ANTXR2: variants seen among roughly 807,000 people sequenced by gnomAD.
The protein encoded by ANTXR2 is ANTXR cell adhesion molecule 2, also known as anthrax toxin receptor 2.
In ANTXR2, 44 loss-of-function variants were observed where a neutral mutation model predicts 73.7. The observed-to-expected ratio is 0.60, with a 90% CI of 0.47 to 0.77. The LOEUF (loss-of-function observed/expected upper bound fraction) is 0.77, where lower values mean the gene tolerates loss of function less well. Ranked by LOEUF, ANTXR2 falls within the 30% of genes least tolerant of loss-of-function variation. ANTXR2 has a pLI of 0.00. For missense variants in ANTXR2, 604 were observed against 592.5 expected (o/e 1.02, Z -0.20); for synonymous variants, 217 against 205.9 (o/e 1.05, Z -0.46).
chr4:79,910,507 C>CAAAAAAAAAAAAAAAAAAA (rs144527286), intron 16 of ANTXR2, among the ~76,000 whole-genome samples: 1 of 95,642 alleles, frequency 1.0e-5, no homozygotes, highest in East Asian at 3.2e-4. Context: ...GACTCCGTCT[C>CAAAAAAAAAAAAAAAAAAA]AAAAAAAAAA....
At chr4:79,932,836 T>C (rs557154694) in intron 16 of ANTXR2, among the ~76,000 whole-genome samples, 83 of 146,830 alleles carry the variant, frequency 5.7e-4, no homozygotes, top group African/African-American at 2.0e-3. Flanking sequence ...TGTGATTCAG[T>C]CTACAGAGAA....
At chr4:80,061,713 T>C (rs1248014321) in intron 3 of ANTXR2, among the ~76,000 whole-genome samples, 1 of 152,180 alleles carries the variant, frequency 6.6e-6, no homozygotes, top group Non-Finnish European at 1.5e-5. Context: ...ACCTGAGCTA[T>C]TGCATATGAA....
chr4:79,961,962 G>A (rs1578114359), intron 16 of ANTXR2, among the ~76,000 whole-genome samples: 1 of 151,954 alleles, frequency 6.6e-6, no homozygotes, highest in African/African-American at 2.4e-5. Context: ...ATGCCTATAT[G>A]GGGAGGGGAG....
In ANTXR2 at chr4:80,055,917, T is replaced by C. The variant is rs751632697; in HGVS notation, c.378+15A>G. On this transcript the variant is annotated intron_variant, in intron 4 of 16. Transcript: ENST00000403729. ...AAGCATTCTCTCCCATATTTACAAATGTAAAATAACTTACTAGCTTTAGTC... is the reference window on the plus strand; with the variant it reads ...AAGCATTCTCTCCCATATTTACAAACGTAAAATAACTTACTAGCTTTAGTC... 2.7e-6 allele frequency: 4 copies of C among 1,486,610 alleles called. No homozygotes were observed. Among genetic ancestry groups the C allele is most frequent in the Non-Finnish European group, 3.6e-6 (4 of 1,103,746 alleles). 92.1% of individuals were successfully genotyped at this position (1,486,610 alleles called of 1,614,324 possible). A position where few individuals can be genotyped will look rare whatever the true frequency, so the allele number is the denominator to read the frequency against.
chr4:79,953,116 C>T (rs777350919), intron 16 of ANTXR2, among the ~76,000 whole-genome samples: 5 of 152,012 alleles, frequency 3.3e-5, no homozygotes, highest in Non-Finnish European at 1.5e-5. Context: ...AAGAGGAGGC[C>T]GACCTCCAGA....
At position 79,904,629 on chromosome 4, in the gene ANTXR2, C is replaced by A. The variant is rs1192884328; in HGVS notation, c.*2800G>T. On this transcript the variant is annotated 3_prime_UTR_variant, in exon 17 of 17. Coordinates refer to ENST00000403729, the MANE Select transcript of ANTXR2 (RefSeq NM_058172.6). Reference sequence around the variant, plus strand: ...CATTGTTATGAAATATATATAGATGCCTTCAAAACTTTCTTTCTAGGCAGA... The same window carrying A: ...CATTGTTATGAAATATATATAGATGACTTCAAAACTTTCTTTCTAGGCAGA... The A allele has an allele frequency of 6.6e-6, 1 of 152,070 alleles. No homozygotes were observed. The highest frequency in any genetic ancestry group is 3.4e-3 in the Middle Eastern group (1 of 294). The allele number at this position is 152,070 out of a possible 1,614,324, so 9.4% of individuals were successfully genotyped here. A position where few individuals can be genotyped will look rare whatever the true frequency, so the allele number is the denominator to read the frequency against.
chr4:79,980,116 A>C (rs1049071086), intron 14 of ANTXR2, among the ~76,000 whole-genome samples: 1 of 152,192 alleles, frequency 6.6e-6, no homozygotes, highest in Non-Finnish European at 1.5e-5. Context: ...CCAATGTGGC[A>C]TTTCTAGGTA....
At position 79,904,840 on chromosome 4, in the gene ANTXR2, A is replaced by C. The variant is rs1035330882; in HGVS notation, c.*2589T>G. 2.6e-5 allele frequency: 4 copies of C among 152,208 alleles called. No individual in the cohort carries two copies. Among genetic ancestry groups the C allele is most frequent in the African/African-American group, 9.6e-5 (4 of 41,464 alleles). The allele number at this position is 152,208 out of a possible 1,614,324, so 9.4% of individuals were successfully genotyped here. On this transcript the variant is annotated 3_prime_UTR_variant, in exon 17 of 17. Coordinates refer to ENST00000403729, the MANE Select transcript of ANTXR2 (RefSeq NM_058172.6). ...ATATAAAGTGCCATTAAATTTATAGAAATGGCTTCATTTTAATCTTTTTTT... is the reference window on the plus strand; with the variant it reads ...ATATAAAGTGCCATTAAATTTATAGCAATGGCTTCATTTTAATCTTTTTTT...
chr4:79,922,836 T>A (rs888383459), intron 16 of ANTXR2, among the ~76,000 whole-genome samples: 2 of 152,032 alleles, frequency 1.3e-5, no homozygotes, highest in African/African-American at 2.4e-5. Flanking sequence ...CTGCAAAAAA[T>A]TATATTCTAA....
At chr4:79,929,550 T>C (rs535189722) in intron 16 of ANTXR2, among the ~76,000 whole-genome samples, 1 of 152,198 alleles carries the variant, frequency 6.6e-6, no homozygotes, top group East Asian at 1.9e-4. Context: ...ATTCTGAGTG[T>C]TGTCAGTGAA....
intron 7 of ANTXR2, among the ~76,000 whole-genome samples, chr4:80,046,349 C>T (rs942027471): frequency 4.5e-4 from 69 of 151,780 alleles, no homozygotes; most frequent in African/African-American, 1.6e-3. Flanking sequence ...AGTTTATCTG[C>T]CACTACTTTT....
intron 10 of ANTXR2, among the ~76,000 whole-genome samples, chr4:80,022,314 T>C (rs1732202789): frequency 6.6e-6 from 1 of 152,208 alleles, no homozygotes; most frequent in Admixed American, 6.5e-5. Flanking sequence ...TAGATATATG[T>C]ATTCTGTGAA....
chr4:80,037,044 A>G (rs1733010814), intron 7 of ANTXR2, among the ~76,000 whole-genome samples: 2 of 152,148 alleles, frequency 1.3e-5, no homozygotes, highest in African/African-American at 4.8e-5. Flanking sequence ...AGAAACCACC[A>G]CACAAGGGAC....
intron 16 of ANTXR2, among the ~76,000 whole-genome samples, chr4:79,949,682 C>A (rs1728634576): frequency 6.6e-6 from 1 of 151,966 alleles, no homozygotes; most frequent in Admixed American, 6.6e-5. Flanking sequence ...CCTTTTTTAA[C>A]CTCCAACATA....
At chr4:80,060,773 T>C (rs1734213166) in intron 3 of ANTXR2, among the ~76,000 whole-genome samples, 1 of 152,186 alleles carries the variant, frequency 6.6e-6, no homozygotes, top group South Asian at 2.1e-4. Flanking sequence ...GCACTACCTG[T>C]TGTTTCAGTC....
chr4:79,914,384 GTTC>G (rs1368242282), intron 16 of ANTXR2, among the ~76,000 whole-genome samples: 1 of 151,934 alleles, frequency 6.6e-6, no homozygotes, highest in African/African-American at 2.4e-5. Context: ...CCCAATTTTT[GTTC>G]TTCTGAGGTT....
intron 12 of ANTXR2, among the ~76,000 whole-genome samples, chr4:79,991,115 C>G (rs1048628269): frequency 3.3e-5 from 5 of 152,164 alleles, no homozygotes; most frequent in African/African-American, 1.2e-4. Flanking sequence ...CCTAATTAAA[C>G]TAAAGAGCTT....
At chr4:79,987,113 A>G (rs1274435161) in intron 12 of ANTXR2, among the ~76,000 whole-genome samples, 3 of 152,102 alleles carry the variant, frequency 2.0e-5, no homozygotes, top group African/African-American at 7.2e-5. Flanking sequence ...TCCACAAACT[A>G]TCTCAATAAC....
intron 16 of ANTXR2, among the ~76,000 whole-genome samples, chr4:79,929,003 GAGA>G (rs752314269): frequency 1.1e-4 from 16 of 152,152 alleles, no homozygotes; most frequent in Non-Finnish European, 1.8e-4. Context: ...GTAATAATTG[GAGA>G]AGAAGTATTT....
Sources: gnomAD v4.1 joint callset for allele counts (sites outside exome capture counted in the v4.1 genomes callset) on GRCh38, gnomAD v4.1.1 for gene constraint, MANE v1.5 for transcripts, NCBI Gene and HGNC (gene_info 2026-07-23, HGNC 2026-07-21) for gene names.